The following NLRP8 variants were observed in gnomAD, a reference collection of about 807,000 sequenced individuals.
The protein encoded by NLRP8 is NACHT, LRR and PYD domains-containing protein 8.
Under a neutral mutation model 88.7 loss-of-function variants are expected in NLRP8, and 86 were observed. The ratio of observed to expected loss-of-function variants is 0.97; its 90% CI spans 0.81 to 1.16. The LOEUF (loss-of-function observed/expected upper bound fraction) is 1.16, where lower values mean the gene tolerates loss of function less well. Ranked by LOEUF, NLRP8 falls within the 50% of genes most tolerant of loss-of-function variation. The pLI is 0.00. For synonymous variants in NLRP8, 504 were observed against 494.6 expected (o/e 1.02, Z -0.25); for missense variants, 1,342 against 1,286.5 (o/e 1.04, Z -0.66).
Position 55,955,968 on chromosome 19 carries a change from G to A in NLRP8, c.1910G>A (p.Gly637Asp), listed in dbSNP as rs760616475. 2 of 1,614,030 alleles carry A rather than the reference G, an allele frequency of 1.2e-6. No individual in the cohort carries two copies. Among genetic ancestry groups the A allele is most frequent in the African/African-American group, 1.3e-5 (1 of 74,918 alleles). Residue 637 changes from glycine to aspartate, a missense_variant, in exon 3 of 10, where the codon GGC (glycine) becomes GAC (aspartate). By Grantham distance (94) the Gly-to-Asp change is moderately conservative. Coordinates refer to ENST00000291971, the MANE Select transcript of NLRP8 (RefSeq NM_176811.2). ...TATCATAAAGTTGTCTTGAGAATTG[G>A]CAACAACAAAGAAGTTCAAGTGTCT...
chr19:55,971,250 G>A (rs1980060673), intron 6 of NLRP8, among the ~76,000 whole-genome samples: 1 of 151,918 alleles, frequency 6.6e-6, no homozygotes, highest in Non-Finnish European at 1.5e-5. Context: ...GACCAGCCTG[G>A]CCAACATGGT....
rs758359423 is a variant in NLRP8 at position 55,966,329 on chromosome 19, A to G, written c.2330A>G (p.Lys777Arg). 1 of 1,614,102 alleles carries G rather than the reference A, an allele frequency of 6.2e-7. No homozygotes were observed. The change falls in exon 5 of 10, where the codon AAG (lysine) becomes AGG (arginine). Residue 777 changes from lysine to arginine, a missense_variant. Coordinates refer to ENST00000291971, the MANE Select transcript of NLRP8 (RefSeq NM_176811.2). ...GTGGAAGTGGAGTCCAAAGCTGTGA[A>G]GCTTCTATGCAGGGTGCTGAGATCC...
chr19:55,987,953 T>C lies in NLRP8; in HGVS notation c.*40T>C. 6 of 1,482,628 alleles carry C rather than the reference T, an allele frequency of 4.0e-6. No individual in the cohort carries two copies. The highest frequency in any genetic ancestry group is 5.7e-6 in the Non-Finnish European group (6 of 1,060,460). 91.8% of individuals were successfully genotyped at this position (1,482,628 alleles called of 1,614,324 possible). The stretch of plus-strand genomic sequence containing the variant: ...TTTCTCTGGGGCTTGATTGATCAGT[T>C]CCCACTCTGACAACTGGCAAATACC... On this transcript the variant is annotated 3_prime_UTR_variant, in exon 10 of 10. Coordinates refer to ENST00000291971, the MANE Select transcript of NLRP8 (RefSeq NM_176811.2).
chr19:55,970,450 G>A (rs1980023487), intron 5 of NLRP8, 94 bp from the exon 6 acceptor site: 2 of 1,394,636 alleles, frequency 1.4e-6, no homozygotes, highest in Admixed American at 2.0e-5. Flanking sequence ...TCTCTGCTGT[G>A]AAGACTGAGA....
Position 55,988,117 on chromosome 19 carries a change from G to T in NLRP8, c.*204G>T. ...GTATTAATATGCTATGTAAGGCTGG[G>T]CGTGGTGGCTCACGCCTGTAACCCA... On this transcript the variant is annotated 3_prime_UTR_variant, in exon 10 of 10. Coordinates refer to ENST00000291971, the MANE Select transcript of NLRP8 (RefSeq NM_176811.2). The T allele has an allele frequency of 2.1e-6, 1 of 480,664 alleles. No homozygotes were observed. The highest frequency in any genetic ancestry group is 3.8e-6 in the Non-Finnish European group (1 of 263,206). The allele number at this position is 480,664 out of a possible 1,614,324, so 29.8% of individuals were successfully genotyped here.
At chr19:55,965,901 C>CGGTGTTT (rs1372459919) in intron 4 of NLRP8, among the ~76,000 whole-genome samples, 1 of 147,088 alleles carries the variant, frequency 6.8e-6, no homozygotes, top group African/African-American at 2.5e-5. Context: ...TGAGAACATG[C>CGGTGTTT]GGTGTTTGGT....
intron 9 of NLRP8, among the ~76,000 whole-genome samples, chr19:55,982,770 C>G (rs1446602775): frequency 6.6e-6 from 1 of 151,966 alleles, no homozygotes; most frequent in African/African-American, 2.4e-5. Flanking sequence ...AGGGAGTCCC[C>G]ATCTACATTA....
chr19:55,984,421 G>T (rs1023168672), intron 9 of NLRP8, among the ~76,000 whole-genome samples: 1 of 143,438 alleles, frequency 7.0e-6, no homozygotes, highest in South Asian at 2.4e-4. Flanking sequence ...TTGGGAGGCC[G>T]AAGCGGGGGG....
In NLRP8 at chr19:55,953,792, CTTTTTTTTTT is replaced by C. The variant is rs35767678; in HGVS notation, c.443-691_443-682del. Among the ~76,000 whole-genome samples, 10 of 55,246 alleles carry C rather than the reference CTTTTTTTTTT, an allele frequency of 1.8e-4. No individual in the cohort carries two copies. In the East Asian group the frequency reaches 3.1e-3, roughly 17 times the overall value. The allele number at this position is 55,246 out of a possible 152,430, so 36.2% of individuals were successfully genotyped here. ...ACAGGCGTAAGCCACTGTGCCTGGC[CTTTTTTTTTT>C]TTTTTTTTTTTTTTTTTAAGACAGA... On this transcript the variant is annotated intron_variant, in intron 2 of 9. Transcript: ENST00000291971.
At position 55,948,009 on chromosome 19, in the gene NLRP8, C is replaced by T. The variant is rs760239258; in HGVS notation, c.107C>T (p.Pro36Leu). 7 of 1,613,942 alleles carry T rather than the reference C, an allele frequency of 4.3e-6. No individual in the cohort carries two copies. The highest frequency in any genetic ancestry group is 5.9e-6 in the Non-Finnish European group (7 of 1,180,036). Residue 36 changes from proline to leucine, a missense_variant, in exon 1 of 10, where the codon CCA becomes CTA. Physicochemically the swap from Pro to Leu is moderately conservative, Grantham distance 98. Coordinates refer to ENST00000291971, the MANE Select transcript of NLRP8 (RefSeq NM_176811.2). ...ACATTCTCTTGCTACCCCGGCTCCCCATGTGAAAATGGGGTCATGCTGTAC... is the reference window on the plus strand; with the variant it reads ...ACATTCTCTTGCTACCCCGGCTCCCTATGTGAAAATGGGGTCATGCTGTAC...
intron 4 of NLRP8, 142 bp from the exon 5 acceptor site, chr19:55,966,071 A>C (rs947502537): frequency 4.5e-6 from 3 of 670,110 alleles, no homozygotes; most frequent in African/African-American, 1.8e-5. Flanking sequence ...TAATGTCTGC[A>C]TCCTGAATTC....
chr19:55,952,392 C>A, intron 1 of NLRP8, 146 bp from the exon 2 acceptor site: 1 of 623,976 alleles, frequency 1.6e-6, no homozygotes, highest in Non-Finnish European at 2.9e-6. Flanking sequence ...AGGTGATTTT[C>A]TTCTCCCTGA....
chr19:55,973,661 C>G lies in NLRP8; in HGVS notation c.2544C>G (p.Asn848Lys), dbSNP rs762494428. The G allele has an allele frequency of 3.7e-6, 6 of 1,609,796 alleles. No individual in the cohort carries two copies. The highest frequency in any genetic ancestry group is 1.1e-5 in the South Asian group (1 of 90,420). ...TGCTTCTCTCCCATAGGATAGAGAA[C>G]TGCAACCTTACACAGCTTACTTGTG... The change falls in exon 7 of 10, where the codon AAC becomes AAG. Residue 848 changes from asparagine (N) to lysine (K), a missense_variant. Coordinates refer to ENST00000291971, the MANE Select transcript of NLRP8 (RefSeq NM_176811.2).
At position 55,966,393 on chromosome 19, in the gene NLRP8, A is replaced by AGG. The variant is rs750181363; in HGVS notation, c.2381+18_2381+19dup. ...TGCAGTGTCTCAGGTGAGATTTGAG[A>AGG]GGGGGGTTAGAGTGGGAACCGGGGT... On this transcript the variant is annotated intron_variant, in intron 5 of 9. Transcript: ENST00000291971. 1 of 1,612,248 alleles carries AGG rather than the reference A, an allele frequency of 6.2e-7. No individual in the cohort carries two copies. Among genetic ancestry groups the AGG allele is most frequent in the East Asian group, 2.2e-5 (1 of 44,814 alleles).
At chr19:55,952,430 G>C in intron 1 of NLRP8, 108 bp from the exon 2 acceptor site, 1 of 808,412 alleles carries the variant, frequency 1.2e-6, no homozygotes, top group African/African-American at 1.7e-5. Flanking sequence ...ATGAGACTCT[G>C]AAGCCATGTG....
At chr19:55,958,533 T>C (rs942189399) in intron 3 of NLRP8, among the ~76,000 whole-genome samples, 4 of 152,084 alleles carry the variant, frequency 2.6e-5, no homozygotes, top group Non-Finnish European at 4.4e-5. Flanking sequence ...TTTAGGTAAA[T>C]ACAGTTTGAT....
At chr19:55,959,338 A>C (rs1979511909) in intron 3 of NLRP8, among the ~76,000 whole-genome samples, 2 of 150,986 alleles carry the variant, frequency 1.3e-5, no homozygotes, top group South Asian at 4.2e-4. Context: ...CAGCCTCCCC[A>C]GTAGCTGGGA....
In NLRP8 at chr19:55,955,553, G is replaced by C. The variant is rs1354155594; in HGVS notation, c.1495G>C (p.Glu499Gln). The C allele has an allele frequency of 6.2e-7, 1 of 1,614,094 alleles. No individual in the cohort carries two copies. Among genetic ancestry groups the C allele is most frequent in the African/African-American group, 1.3e-5 (1 of 74,934 alleles). ...GAGTATTCTTCGGAGAATTGCAGGTGAGGAAGACCACTATGTCTTTACCCT... is the reference window on the plus strand; with the variant it reads ...GAGTATTCTTCGGAGAATTGCAGGTCAGGAAGACCACTATGTCTTTACCCT... Residue 499 changes from glutamate to glutamine, a missense_variant, in exon 3 of 10, where the codon GAG becomes CAG. Coordinates refer to ENST00000291971, the MANE Select transcript of NLRP8 (RefSeq NM_176811.2).
At position 55,976,897 on chromosome 19, in the gene NLRP8, G is replaced by A. The variant is rs375624042; in HGVS notation, c.2876+594G>A. On this transcript the variant is annotated intron_variant, in intron 8 of 9. Transcript: ENST00000291971. ...AGATCGAGACTATCCTGGCTAACAC[G>A]GTGAAACCATGTCTGTACTAAAAAT... Among the ~76,000 whole-genome samples the A allele has an allele frequency of 4.3e-4, 64 of 150,362 alleles. No individual in the cohort carries two copies. In the South Asian group the frequency reaches 5.2e-3, roughly 12 times the overall value.
Sources: gnomAD v4.1 joint callset for allele counts (sites outside exome capture counted in the v4.1 genomes callset) on GRCh38, gnomAD v4.1.1 for gene constraint, MANE v1.5 for transcripts, NCBI Gene and HGNC (gene_info 2026-07-23, HGNC 2026-07-21) for gene names.